The following GINS1 variants were observed in gnomAD, a reference collection of about 807,000 sequenced individuals.
The protein encoded by GINS1 is DNA replication complex GINS protein PSF1.
Under a neutral mutation model 34.9 loss-of-function variants are expected in GINS1, and 26 were observed. The ratio of observed to expected loss-of-function variants is 0.74; its 90% confidence interval spans 0.55 to 1.03. The LOEUF is 1.03. Among genes scored for constraint, GINS1 ranks in the 50% least tolerant of loss-of-function variants. The pLI, the probability that GINS1 is intolerant of heterozygous loss-of-function variation, is 0.00. For synonymous variants in GINS1, 97 were observed against 84.4 expected, an observed-to-expected ratio of 1.15 and a Z score of -0.82; for missense variants, 235 against 237.9, an observed-to-expected ratio of 0.99 and a Z score of 0.08.
At chr20:25,428,428 G>C (rs2090405476) in intron 5 of GINS1, among the ~76,000 whole-genome samples, 1 of 97,468 alleles carries the variant, frequency 1.0e-5, no homozygotes, top group African/African-American at 4.3e-5. Flanking sequence ...TTTTGAGACA[G>C]AGTCTCTGTC....
At chr20:25,417,528 G>T (rs1369548788) in intron 3 of GINS1, among the ~76,000 whole-genome samples, 2 of 152,038 alleles carry the variant, frequency 1.3e-5, no homozygotes, top group African/African-American at 4.8e-5. Context: ...ACTGAATACG[G>T]TAGTGTTCTT....
chr20:25,412,553 T>TA (rs561114337), intron 1 of GINS1, among the ~76,000 whole-genome samples: 6 of 151,082 alleles, frequency 4.0e-5, no homozygotes, highest in South Asian at 2.1e-4. Context: ...AGACTCCATC[T>TA]AAAAAAAAAG....
chr20:25,422,581 CCT>C (rs1227672356), intron 4 of GINS1, among the ~76,000 whole-genome samples: 4 of 151,928 alleles, frequency 2.6e-5, no homozygotes, highest in Non-Finnish European at 4.4e-5. Flanking sequence ...ACAGTGAGAC[CCT>C]GTCTTAAAAC....
intron 5 of GINS1, among the ~76,000 whole-genome samples, chr20:25,431,347 T>C (rs1209251817): frequency 4.6e-5 from 7 of 152,126 alleles, no homozygotes; most frequent in African/African-American, 1.7e-4. Context: ...CCTTTTAAAA[T>C]AACCAAATTT....
chr20:25,428,617 G>T (rs1191187051), intron 5 of GINS1, among the ~76,000 whole-genome samples: 1 of 151,162 alleles, frequency 6.6e-6, no homozygotes, highest in African/African-American at 2.4e-5. Flanking sequence ...TGTTAGCCAG[G>T]ATGGTCTGGA....
chr20:25,427,665 G>A (rs6083858), intron 5 of GINS1, among the ~76,000 whole-genome samples: 56 of 152,106 alleles, frequency 3.7e-4, no homozygotes, highest in African/African-American at 1.3e-3. Context: ...TTTCAAATAG[G>A]GTTTTGTTGT....
chr20:25,437,520 G>A (rs2090460393), intron 5 of GINS1, among the ~76,000 whole-genome samples: 2 of 152,242 alleles, frequency 1.3e-5, no homozygotes, highest in African/African-American at 4.8e-5. Context: ...AGACTCCAGA[G>A]TTCCAAAATA....
intron 4 of GINS1, among the ~76,000 whole-genome samples, chr20:25,423,447 C>CT (rs2090369244): frequency 2.4e-5 from 1 of 42,080 alleles, no homozygotes; most frequent in Non-Finnish European, 4.8e-5. Context: ...AGATATTTTT[C>CT]TTTTCTTTTT....
chr20:25,445,054 T>C (rs1296952353), intron 6 of GINS1, among the ~76,000 whole-genome samples: 1 of 152,228 alleles, frequency 6.6e-6, no homozygotes, highest in Non-Finnish European at 1.5e-5. Flanking sequence ...TTTAAAAATA[T>C]AAACACTAAG....
chr20:25,414,772 A>G (rs550074951), intron 2 of GINS1, among the ~76,000 whole-genome samples: 1 of 152,370 alleles, frequency 6.6e-6, no homozygotes, highest in Admixed American at 6.5e-5. Context: ...ATTTTTATCA[A>G]CAGTTGCCTT....
chr20:25,415,548 G>C (rs1176531384), intron 2 of GINS1, among the ~76,000 whole-genome samples: 1 of 152,088 alleles, frequency 6.6e-6, no homozygotes, highest in African/African-American at 2.4e-5. Flanking sequence ...AGCCATGCGT[G>C]GTGGCGCATG....
chr20:25,443,090 G>A (rs1354155166), intron 6 of GINS1: 2 of 152,092 alleles, frequency 1.3e-5, no homozygotes, highest in African/African-American at 4.8e-5. Flanking sequence ...AGGTCATGTG[G>A]TTCTTGAGCT....
At chr20:25,415,914 G>T (rs1600921219) in intron 2 of GINS1, among the ~76,000 whole-genome samples, 3 of 152,278 alleles carry the variant, frequency 2.0e-5, no homozygotes, top group African/African-American at 7.2e-5. Flanking sequence ...GCAAGTCTTA[G>T]GGAGGCAGTG....
Position 25,438,512 on chromosome 20 carries a change from CTTT to C in GINS1, c.448-3166_448-3164del, listed in dbSNP as rs35305107. ...TGCATAATGACACCAAAGAACAACA[CTTT>C]TTTTTTTTTTTTTTTTTTTTTTTGA... is the stretch of plus-strand genomic sequence containing the variant. On this transcript the variant is annotated intron_variant, in intron 5 of 6. Coordinates refer to ENST00000262460, the MANE Select transcript of GINS1 (RefSeq NM_021067.5). 8.9e-3 allele frequency among the ~76,000 whole-genome samples: 608 copies of C among 67,980 alleles called. 12 individuals carry two copies. The highest frequency in any genetic ancestry group is 0.037 in the African/African-American group (581 of 15,668). 44.6% of individuals were successfully genotyped at this position (67,980 alleles called of 152,430 possible).
intron 5 of GINS1, 143 bp downstream of exon 5, chr20:25,425,470 G>A (rs1338477571): frequency 1.8e-5 from 9 of 487,038 alleles, no homozygotes. Context: ...TACCTGTAGG[G>A]GGATGACAGA....
At chr20:25,425,090 TAATG>T (rs1411228643) in intron 4 of GINS1, 117 bp from the exon 5 acceptor site, 2 of 573,448 alleles carry the variant, frequency 3.5e-6, no homozygotes, top group East Asian at 2.7e-5. Flanking sequence ...ATTTTAGCAT[TAATG>T]AATGAATGGT....
intron 5 of GINS1, among the ~76,000 whole-genome samples, chr20:25,435,805 T>A (rs1450020367): frequency 9.3e-6 from 1 of 107,632 alleles, no homozygotes. Context: ...TTTTGTAGAG[T>A]TACACTTTTT....
At chr20:25,413,011 C>T (rs951013593) in intron 1 of GINS1, among the ~76,000 whole-genome samples, 12 of 151,244 alleles carry the variant, frequency 7.9e-5, no homozygotes, top group African/African-American at 2.4e-4. Context: ...CTCAGTATAA[C>T]GTATTTCAGA....
At chr20:25,445,041 A>T (rs1342970486) in intron 6 of GINS1, among the ~76,000 whole-genome samples, 1 of 152,224 alleles carries the variant, frequency 6.6e-6, no homozygotes, top group Non-Finnish European at 1.5e-5. Context: ...TCTGTGCATA[A>T]ATTTTAAAAA....
Sources: gnomAD v4.1 joint callset for allele counts (sites outside exome capture counted in the v4.1 genomes callset) on GRCh38, gnomAD v4.1.1 for gene constraint, MANE v1.5 for transcripts, NCBI Gene and HGNC (gene_info 2026-07-23, HGNC 2026-07-21) for gene names.